The following PTPRB variants were observed in gnomAD, a reference collection of about 807,000 sequenced individuals.
PTPRB encodes receptor-type tyrosine-protein phosphatase beta.
Under a neutral mutation model 238.1 loss-of-function variants are expected in PTPRB, and 97 were observed. The observed-to-expected ratio is 0.41, with a 90% CI of 0.35 to 0.48. The LOEUF (loss-of-function observed/expected upper bound fraction) is 0.48, where lower values mean the gene tolerates loss of function less well. Ranked by LOEUF, PTPRB falls within the 20% of genes least tolerant of loss-of-function variation. The pLI, the probability that PTPRB is intolerant of heterozygous loss-of-function variation, is 0.30. For missense variants in PTPRB, 2,292 were observed against 2,681.9 expected, an observed-to-expected ratio of 0.85 and a Z score of 3.21; for synonymous variants, 970 against 995.4, an observed-to-expected ratio of 0.97 and a Z score of 0.48.
chr12:70,555,071 T>C, intron 20 of PTPRB, 89 bp downstream of exon 20: 1 of 1,446,032 alleles, frequency 6.9e-7, no homozygotes, highest in Middle Eastern at 1.9e-4. Flanking sequence ...TACTTAAGTT[T>C]CTTAAACTTT....
chr12:70,632,386 C>G (rs1885493441), intron 2 of PTPRB, among the ~76,000 whole-genome samples: 1 of 151,826 alleles, frequency 6.6e-6, no homozygotes, highest in Admixed American at 6.6e-5. Context: ...AACGAGAACA[C>G]TTGGACACAG....
At chr12:70,550,294 A>G (rs1876690286) in intron 21 of PTPRB, among the ~76,000 whole-genome samples, 1 of 152,212 alleles carries the variant, frequency 6.6e-6, no homozygotes, top group Non-Finnish European at 1.5e-5. Flanking sequence ...CAGGCGTATA[A>G]AAGAACCATG....
intron 10 of PTPRB, among the ~76,000 whole-genome samples, chr12:70,579,938 T>C (rs2136417304): frequency 6.6e-6 from 1 of 152,190 alleles, no homozygotes; most frequent in Non-Finnish European, 1.5e-5. Context: ...ATTTGAGTGT[T>C]GAGGATGCAG....
Position 70,635,779 on chromosome 12 carries a change from C to T in PTPRB, c.343G>A (p.Gly115Ser), listed in dbSNP as rs1210545097. Reference protein sequence around the residue: ...ENASLFLQKQGSRVVVKKARK... With the variant: ...ENASLFLQKQSSRVVVKKARK... ...GCCTTCTTGACCACTACTCTGGAGCCTTGTTTCTGGAGAAAGAGAGAGGCA... is the reference window on the plus strand; with the variant it reads ...GCCTTCTTGACCACTACTCTGGAGCTTTGTTTCTGGAGAAAGAGAGAGGCA... Residue 115 changes from glycine (G) to serine (S), a missense_variant, in exon 2 of 34, where the codon GGC becomes AGC. Physicochemically the swap from Gly to Ser is moderately conservative, Grantham distance 56. Transcript: ENST00000334414. The T allele has an allele frequency of 6.2e-7, 1 of 1,613,728 alleles. No individual in the cohort carries two copies. Among genetic ancestry groups the T allele is most frequent in the Non-Finnish European group, 8.5e-7 (1 of 1,179,846 alleles).
intron 2 of PTPRB, among the ~76,000 whole-genome samples, chr12:70,632,087 C>G (rs567839368): frequency 9.2e-5 from 14 of 152,190 alleles, no homozygotes; most frequent in African/African-American, 3.4e-4. Flanking sequence ...GGTATATACT[C>G]AAAGGATTAT....
Position 70,563,030 on chromosome 12 carries a change from C to T in PTPRB, c.3982G>A (p.Gly1328Arg), listed in dbSNP as rs753274225. 6.2e-7 allele frequency: 1 copy of T among 1,613,788 alleles called. No individual in the cohort carries two copies. ...HLSFRWTASE[G>R]ELSWYNIFLY... ...AAGATGTTGTACCAGCTGAGCTCCCCCTCTGAGGCGGTCCAGCGGAAGGAC... is the reference window on the plus strand; with the variant it reads ...AAGATGTTGTACCAGCTGAGCTCCCTCTCTGAGGCGGTCCAGCGGAAGGAC... The change falls in exon 16 of 34, where the codon GGG becomes AGG. Residue 1328 changes from glycine to arginine, a missense_variant. Transcript: ENST00000334414.
At chr12:70,552,432 CG>C (rs1565931539) in intron 21 of PTPRB, among the ~76,000 whole-genome samples, 1 of 142,864 alleles carries the variant, frequency 7.0e-6, no homozygotes, top group Non-Finnish European at 1.5e-5. Context: ...TGCAGTGAGC[CG>C]AGATGGCACC....
Position 70,562,710 on chromosome 12 carries a change from C to T in PTPRB, c.4168+134G>A. The T allele has an allele frequency of 2.6e-6, 3 of 1,162,680 alleles. No homozygotes were observed. The East Asian group carries it at 7.2e-5, about 28-fold the overall frequency. 72.0% of individuals were successfully genotyped at this position (1,162,680 alleles called of 1,614,324 possible). On this transcript the variant is annotated intron_variant, in intron 16 of 33. Coordinates refer to ENST00000334414, the MANE Select transcript of PTPRB (RefSeq NM_001109754.4). ...ATCAAAGGTGCGATTTAGGGTCAAA[C>T]AGCCTGAAAGTCACAAATGCCATAT...
Position 70,525,605 on chromosome 12 carries a change from T to G in PTPRB, c.6505-1014A>C, listed in dbSNP as rs190928752. On this transcript the variant is annotated intron_variant, in intron 32 of 33. Coordinates refer to ENST00000334414, the MANE Select transcript of PTPRB (RefSeq NM_001109754.4). ...TAAATAGATATAGAAGAGTCAGTGC[T>G]TTGGTGACCATAAAGACCTCCACTG... Among the ~76,000 whole-genome samples, 49 of 152,380 alleles carry G rather than the reference T, an allele frequency of 3.2e-4. 1 individual carries two copies. The highest frequency in any genetic ancestry group is 1.2e-3 in the Admixed American group (19 of 15,306).
chr12:70,594,562 G>T lies in PTPRB; in HGVS notation c.1421C>A (p.Ala474Asp). 1 of 1,613,982 alleles carries T rather than the reference G, an allele frequency of 6.2e-7. No homozygotes were observed. The highest frequency in any genetic ancestry group is 8.5e-7 in the Non-Finnish European group (1 of 1,179,898). ...GVVDKHATSY[A>D]FHGLTPGYLY... ...GTAGCCAGGGGTCAGCCCGTGAAAA[G>T]CATAGGAAGTAGCATGTTTGTCCAC... Residue 474 changes from alanine (A) to aspartate (D), a missense_variant, in exon 6 of 34, where the codon GCT (alanine) becomes GAT (aspartate). By Grantham distance (126) the Ala-to-Asp change is moderately radical (BLOSUM62 -2). Transcript: ENST00000334414.
chr12:70,536,214 T>TAAAC (rs1341946574), intron 28 of PTPRB, 55 bp from the exon 29 acceptor site: 2 of 1,561,346 alleles, frequency 1.3e-6, no homozygotes, highest in Non-Finnish European at 1.7e-6. Context: ...TTCAGAACTA[T>TAAAC]AAACAAAGAG....
chr12:70,635,835 T>C lies in PTPRB; in HGVS notation c.287A>G (p.Tyr96Cys), dbSNP rs1885658451. The part of the protein sequence containing the change: ...RCSQAPRWTC[Y>C]DQEGFLEVEN... ...CACCTCAAGGAAGCCTTCCTGATCATAGCAGGTCCATCGGGGTGCCTGGGA... is the reference window on the plus strand; with the variant it reads ...CACCTCAAGGAAGCCTTCCTGATCACAGCAGGTCCATCGGGGTGCCTGGGA... Residue 96 changes from tyrosine (Y) to cysteine (C), a missense_variant, in exon 2 of 34, where the codon TAT becomes TGT. Coordinates refer to ENST00000334414, the MANE Select transcript of PTPRB (RefSeq NM_001109754.4). 5 of 1,613,618 alleles carry C rather than the reference T, an allele frequency of 3.1e-6. No individual in the cohort carries two copies. Among genetic ancestry groups the C allele is most frequent in the South Asian group, 1.1e-5 (1 of 91,012 alleles).
intron 32 of PTPRB, among the ~76,000 whole-genome samples, chr12:70,526,812 G>A (rs188060612): frequency 9.7e-4 from 147 of 152,302 alleles, no homozygotes; most frequent in African/African-American, 2.9e-3. Context: ...TTAGAGGTAA[G>A]CTGTGAATGA....
rs971742149 is a variant in PTPRB, at chr12:70,552,925, A to C, written c.5239T>G (p.Phe1747Val). 2 of 1,613,820 alleles carry C rather than the reference A, an allele frequency of 1.2e-6. No homozygotes were observed. The highest frequency in any genetic ancestry group is 8.5e-7 in the Non-Finnish European group (1 of 1,179,880). Residue 1747 changes from phenylalanine (F) to valine (V), a missense_variant, in exon 21 of 34, where the codon TTT becomes GTT. Phe to Val is a conservative substitution (Grantham distance 50). Around this residue, in one of 4 missense-constraint regions of PTPRB, gnomAD observed 683 missense variants for 862.0 expected, o/e 0.79. Transcript: ENST00000334414. The part of the protein sequence containing the change: ...ASIRVYQTNY[F>V]ASKCAENPNS... Reference sequence around the variant, plus strand: ...GGATTTTCGGCACATTTGCTGGCAAAATAATTAGTCTGATACACCCGAATG... The same window carrying C: ...GGATTTTCGGCACATTTGCTGGCAACATAATTAGTCTGATACACCCGAATG...
intron 33 of PTPRB, among the ~76,000 whole-genome samples, chr12:70,522,856 G>GTTTT (rs1871806281): frequency 1.8e-5 from 2 of 111,476 alleles, no homozygotes; most frequent in Non-Finnish European, 3.6e-5. Flanking sequence ...TCTTTTGTTT[G>GTTTT]TTTTTTCTTT....
chr12:70,520,816 G>A lies in PTPRB; in HGVS notation c.*673C>T, dbSNP rs1871573138. ...TCAACCCTGCATCCTACCATCCTGG[G>A]CTTGCACTGCAAGTTACATGATCCC... On this transcript the variant is annotated 3_prime_UTR_variant, in exon 34 of 34. Coordinates refer to ENST00000334414, the MANE Select transcript of PTPRB (RefSeq NM_001109754.4). The A allele has an allele frequency of 6.6e-6, 1 of 152,450 alleles. No individual in the cohort carries two copies. Among genetic ancestry groups the A allele is most frequent in the Non-Finnish European group, 1.5e-5 (1 of 68,284 alleles). 9.4% of individuals were successfully genotyped at this position (152,450 alleles called of 1,614,324 possible). A position where few individuals can be genotyped will look rare whatever the true frequency, so the allele number is the denominator to read the frequency against.
At chr12:70,618,802 A>T (rs1010629614) in intron 3 of PTPRB, among the ~76,000 whole-genome samples, 1 of 152,198 alleles carries the variant, frequency 6.6e-6, no homozygotes, top group African/African-American at 2.4e-5. Flanking sequence ...TTAATTAAAC[A>T]CTATTTTACT....
chr12:70,566,330 T>C, intron 15 of PTPRB, 105 bp downstream of exon 15: 1 of 1,364,126 alleles, frequency 7.3e-7, no homozygotes, highest in Non-Finnish European at 9.9e-7. Context: ...TATCAAGAGA[T>C]AGATATCATC....
At chr12:70,594,792 A>G in intron 5 of PTPRB, 68 bp from the exon 6 acceptor site, 1 of 1,540,866 alleles carries the variant, frequency 6.5e-7, no homozygotes, top group Admixed American at 1.7e-5. Context: ...GACACATTTA[A>G]TTAGAAGTCA....
Sources: gnomAD v4.1 joint callset for allele counts (sites outside exome capture counted in the v4.1 genomes callset) on GRCh38, gnomAD v4.1.1 for gene constraint, gnomAD v4.1.1 regional missense constraint, MANE v1.5 for transcripts, NCBI Gene and HGNC (gene_info 2026-07-23, HGNC 2026-07-21) for gene names.